COLGALT1: variants seen among roughly 807,000 people sequenced by gnomAD.
COLGALT1 encodes the protein collagen beta(1-O)galactosyltransferase 1, also known as procollagen galactosyltransferase 1.
A neutral mutation model predicts 60.8 loss-of-function variants in COLGALT1; 43 were observed. That is an observed-to-expected ratio of 0.71 (90% CI 0.55 to 0.91). COLGALT1 has a LOEUF of 0.91. Ranked by LOEUF, COLGALT1 falls within the 40% of genes least tolerant of loss-of-function variation. The pLI is 0.00. For missense variants in COLGALT1, 845 were observed against 880.0 expected (o/e 0.96, Z 0.50); for synonymous variants, 369 against 374.2 (o/e 0.99, Z 0.16).
intron 5 of COLGALT1, among the ~76,000 whole-genome samples, chr19:17,569,957 C>T (rs551121993): frequency 3.7e-4 from 47 of 127,320 alleles, no homozygotes; most frequent in Non-Finnish European, 5.3e-4. Flanking sequence ...TGCAGTGGCC[C>T]GATCTTGGCT....
chr19:17,560,267 G>C, intron 2 of COLGALT1, 81 bp from the exon 3 acceptor site: 1 of 1,096,496 alleles, frequency 9.1e-7, no homozygotes, highest in Non-Finnish European at 1.4e-6. Context: ...AGCTCTCTCT[G>C]AGTACCCCGA....
At chr19:17,571,552 A>G (rs1431621995) in intron 5 of COLGALT1, among the ~76,000 whole-genome samples, 1 of 148,150 alleles carries the variant, frequency 6.7e-6, no homozygotes, top group Non-Finnish European at 1.5e-5. Context: ...CACCTCTACT[A>G]AAAAAAAATA....
At chr19:17,565,194 G>A (rs775164159) in intron 3 of COLGALT1, among the ~76,000 whole-genome samples, 1 of 151,298 alleles carries the variant, frequency 6.6e-6, no homozygotes, top group Non-Finnish European at 1.5e-5. Flanking sequence ...TTGCTCTGTC[G>A]CGCAGGTTTG....
chr19:17,555,786 C>T lies in COLGALT1; in HGVS notation c.73C>T (p.Pro25Ser). 8.0e-7 allele frequency: 1 copy of T among 1,243,764 alleles called. No homozygotes were observed. The highest frequency in any genetic ancestry group is 1.6e-5 in the African/African-American group (1 of 64,008). The allele number at this position is 1,243,764 out of a possible 1,614,324, so 77.0% of individuals were successfully genotyped here. The part of the protein sequence containing the change: ...LLALLLLLLA[P>S]LPPGAPPGAD... The stretch of plus-strand genomic sequence containing the variant: ...GGCGCTGCTGCTTCTGCTGCTGGCG[C>T]CACTGCCGCCGGGGGCCCCGCCGGG... The change falls in exon 1 of 12, where the codon CCA (proline) becomes TCA (serine). Residue 25 changes from proline (P) to serine (S), a missense_variant. Transcript: ENST00000252599.
intron 6 of COLGALT1, 63 bp downstream of exon 6, chr19:17,572,665 A>C (rs1281656034): frequency 6.2e-7 from 1 of 1,603,576 alleles, no homozygotes; most frequent in Non-Finnish European, 8.5e-7. Flanking sequence ...TGATGTCTCA[A>C]ATCCGTCCCA....
intron 4 of COLGALT1, 63 bp from the exon 5 acceptor site, chr19:17,568,446 A>G: frequency 7.1e-7 from 1 of 1,407,492 alleles, no homozygotes; most frequent in Non-Finnish European, 1.0e-6. Context: ...GCCGCCCACT[A>G]TCACGGGTCT....
At chr19:17,580,511 C>T in intron 10 of COLGALT1, 188 bp from the exon 11 acceptor site, 2 of 617,822 alleles carry the variant, frequency 3.2e-6, no homozygotes, top group Non-Finnish European at 2.8e-6. Flanking sequence ...TGGAAAAACT[C>T]ACTCTTCTCC....
At chr19:17,576,666 G>T (rs1416692469) in intron 6 of COLGALT1, among the ~76,000 whole-genome samples, 1 of 146,850 alleles carries the variant, frequency 6.8e-6, no homozygotes. Context: ...CATGGCCAGG[G>T]TTTAAAGGTG....
intron 5 of COLGALT1, 71 bp downstream of exon 5, chr19:17,568,784 C>T (rs1394244325): frequency 1.1e-5 from 17 of 1,481,806 alleles, no homozygotes; most frequent in Middle Eastern, 1.7e-4. Context: ...TAAGCCAGTT[C>T]AGAACACACT....
chr19:17,567,698 G>A (rs2076287776), intron 4 of COLGALT1, among the ~76,000 whole-genome samples, 158 bp downstream of exon 4: 1 of 151,996 alleles, frequency 6.6e-6, no homozygotes, highest in African/African-American at 2.4e-5. Flanking sequence ...CAGCACTTTG[G>A]GAGACTGCGG....
chr19:17,563,296 C>T (rs1046183738), intron 3 of COLGALT1, among the ~76,000 whole-genome samples: 29 of 142,558 alleles, frequency 2.0e-4, no homozygotes, highest in Admixed American at 1.9e-3. Context: ...GGTCAAGTGA[C>T]TCTCCTGCTT....
At chr19:17,561,650 A>C (rs970019062) in intron 3 of COLGALT1, among the ~76,000 whole-genome samples, 4 of 151,058 alleles carry the variant, frequency 2.6e-5, no homozygotes, top group Admixed American at 6.7e-5. Context: ...AAAAAAAAAA[A>C]AAAAAACAGA....
intron 8 of COLGALT1, 21 bp downstream of exon 8, chr19:17,577,488 T>TG (rs757772519): frequency 4.6e-4 from 8 of 17,236 alleles, no homozygotes; most frequent in Non-Finnish European, 8.2e-4. Context: ...GGCCTGGGGG[T>TG]GGGGGGGCGG....
In COLGALT1 at chr19:17,555,739, G is replaced by A. The variant is rs895300504; in HGVS notation, c.26G>A (p.Arg9Gln). 9 of 1,205,834 alleles carry A rather than the reference G, an allele frequency of 7.5e-6. No individual in the cohort carries two copies. The highest frequency in any genetic ancestry group is 4.4e-5 in the Admixed American group (1 of 22,600). 74.7% of individuals were successfully genotyped at this position (1,205,834 alleles called of 1,614,324 possible). A position where few individuals can be genotyped will look rare whatever the true frequency, so the allele number is the denominator to read the frequency against. The part of the protein sequence containing the change: MAAAPRAG[R>Q]RRGQPLLALL... ...ATGGCGGCGGCCCCACGCGCGGGCC[G>A]GCGGCGCGGGCAGCCGCTCCTGGCG... Residue 9 changes from arginine to glutamine, a missense_variant, in exon 1 of 12, where the codon CGG (arginine) becomes CAG (glutamine). Coordinates refer to ENST00000252599, the MANE Select transcript of COLGALT1 (RefSeq NM_024656.4).
At chr19:17,567,973 AT>A (rs2076289526) in intron 4 of COLGALT1, among the ~76,000 whole-genome samples, 1 of 151,968 alleles carries the variant, frequency 6.6e-6, no homozygotes. Context: ...ACAAAAACTC[AT>A]TATGGTAATC....
chr19:17,558,662 A>G (rs949306487), intron 1 of COLGALT1, among the ~76,000 whole-genome samples: 1 of 151,834 alleles, frequency 6.6e-6, no homozygotes, highest in African/African-American at 2.4e-5. Flanking sequence ...TGGGTGACAG[A>G]GCAAGACTCT....
intron 11 of COLGALT1, 79 bp from the exon 12 acceptor site, chr19:17,581,098 C>G (rs1442867546): frequency 6.5e-7 from 1 of 1,527,186 alleles, no homozygotes; most frequent in Non-Finnish European, 8.9e-7. Flanking sequence ...CCGCTGACTT[C>G]TTCACCCCCA....
intron 5 of COLGALT1, among the ~76,000 whole-genome samples, chr19:17,569,986 C>G (rs1338765391): frequency 6.6e-6 from 1 of 150,960 alleles, no homozygotes; most frequent in Non-Finnish European, 1.5e-5. Flanking sequence ...GCTCCGCCTC[C>G]TGGGTTCACG....
intron 3 of COLGALT1, among the ~76,000 whole-genome samples, chr19:17,565,866 G>A (rs573694087): frequency 6.6e-6 from 1 of 152,082 alleles, no homozygotes; most frequent in Non-Finnish European, 1.5e-5. Flanking sequence ...GACCGGATGG[G>A]GTGTGTAACA....
Sources: gnomAD v4.1 joint callset for allele counts (sites outside exome capture counted in the v4.1 genomes callset) on GRCh38, gnomAD v4.1.1 for gene constraint, MANE v1.5 for transcripts, NCBI Gene and HGNC (gene_info 2026-07-23, HGNC 2026-07-21) for gene names.